Variants in NUP98 observed in about 807,000 individuals in gnomAD.
NUP98 encodes the protein nuclear pore complex protein Nup98-Nup96.
Under a neutral mutation model 191.9 loss-of-function variants are expected in NUP98, and 26 were observed. The observed-to-expected ratio is 0.14, with a 90% CI of 0.10 to 0.19. The LOEUF (loss-of-function observed/expected upper bound fraction) is 0.19, where lower values mean the gene tolerates loss of function less well. NUP98 is among the 10% of genes least tolerant of loss of function. The probability of loss-of-function intolerance (pLI) is 1.00; values close to 1 mark genes in which losing one functional copy is unlikely to be tolerated. For synonymous variants in NUP98, 808 were observed against 778.4 expected (o/e 1.04, Z -0.63); for missense variants, 1,941 against 2,178.8 (o/e 0.89, Z 2.17).
intron 22 of NUP98, among the ~76,000 whole-genome samples, chr11:3,704,807 A>G (rs1466902384): frequency 6.6e-6 from 1 of 152,220 alleles, no homozygotes; most frequent in Admixed American, 6.5e-5. Flanking sequence ...GAAGTTCAAG[A>G]CCAGCCTGGG....
intron 23 of NUP98, among the ~76,000 whole-genome samples, 163 bp downstream of exon 23, chr11:3,702,300 C>CAA (rs2078710539): frequency 1.7e-5 from 1 of 58,404 alleles, no homozygotes; most frequent in African/African-American, 6.5e-5. Context: ...CACACACACA[C>CAA]ACACACACAC....
intron 28 of NUP98, among the ~76,000 whole-genome samples, chr11:3,688,785 A>AGT (rs1554886582): frequency 6.9e-6 from 1 of 145,590 alleles, no homozygotes; most frequent in African/African-American, 2.5e-5. Context: ...ACAGAGAGAG[A>AGT]CTGTCTCGAA....
At chr11:3,757,591 G>C (rs905366439) in intron 10 of NUP98, among the ~76,000 whole-genome samples, 5 of 151,578 alleles carry the variant, frequency 3.3e-5, no homozygotes, top group Non-Finnish European at 5.9e-5. Context: ...CTGAGGTCAG[G>C]AGTTCCAGAC....
At chr11:3,739,971 A>G (rs1476135962) in intron 12 of NUP98, among the ~76,000 whole-genome samples, 3 of 152,210 alleles carry the variant, frequency 2.0e-5, no homozygotes, top group African/African-American at 7.2e-5. Context: ...TAGTAAGAAT[A>G]TAGTACGTAC....
rs995437133 is a variant in NUP98 at position 3,683,425 on chromosome 11, C to T, written c.4693G>A (p.Val1565Ile). The T allele has an allele frequency of 1.2e-6, 2 of 1,614,064 alleles. No individual in the cohort carries two copies. Among genetic ancestry groups the T allele is most frequent in the Admixed American group, 1.7e-5 (1 of 59,994 alleles). Residue 1565 changes from valine (V) to isoleucine (I), a missense_variant, in exon 30 of 33, where the codon GTT (valine) becomes ATT (isoleucine). By Grantham distance (29) the Val-to-Ile change is conservative. Transcript: ENST00000324932. ...IDNSGIREKA[V>I]RELLTRHCQL... Reference sequence around the variant, plus strand: ...CAGTGCCGGGTAAGCAGCTCTCGAACAGCCTTCTCACGTATGCTACAGGGA... The same window carrying T: ...CAGTGCCGGGTAAGCAGCTCTCGAATAGCCTTCTCACGTATGCTACAGGGA...
intron 31 of NUP98, among the ~76,000 whole-genome samples, chr11:3,679,135 A>G (rs530959476): frequency 6.6e-6 from 1 of 151,784 alleles, no homozygotes; most frequent in Non-Finnish European, 1.5e-5. Flanking sequence ...AAAAAAAAAA[A>G]AAAAAAAAAC....
chr11:3,731,302 T>C, intron 14 of NUP98, 89 bp downstream of exon 14: 1 of 887,470 alleles, frequency 1.1e-6, no homozygotes, highest in Non-Finnish European at 1.6e-6. Context: ...GTATCACATC[T>C]ATAATATATT....
intron 25 of NUP98, among the ~76,000 whole-genome samples, chr11:3,698,688 T>C (rs7117935): frequency 0.28 from 40,517 of 144,912 alleles, 6,024 homozygotes; most frequent in South Asian, 0.38. Flanking sequence ...GATCGCACCA[T>C]TGTACTCCAG....
At chr11:3,724,440 A>T (rs1346769153) in intron 15 of NUP98, among the ~76,000 whole-genome samples, 1 of 134,708 alleles carries the variant, frequency 7.4e-6, no homozygotes, top group Non-Finnish European at 1.6e-5. Context: ...CCATCTCAAA[A>T]AAAAAAAATA....
At chr11:3,730,641 G>C (rs1030790644) in intron 14 of NUP98, among the ~76,000 whole-genome samples, 2 of 152,144 alleles carry the variant, frequency 1.3e-5, no homozygotes, top group African/African-American at 2.4e-5. Context: ...TGGGATTACA[G>C]GTGTGAGCCA....
intron 14 of NUP98, among the ~76,000 whole-genome samples, chr11:3,725,946 G>A (rs939856112): frequency 3.9e-5 from 6 of 152,000 alleles, no homozygotes; most frequent in Non-Finnish European, 7.4e-5. Flanking sequence ...TCAGCTTCCC[G>A]AGTAGCTGGG....
Position 3,679,593 on chromosome 11 carries a change from G to A in NUP98, c.5034C>T (p.Asp1678=). The A allele has an allele frequency of 3.1e-6, 5 of 1,614,200 alleles. No homozygotes were observed. Among genetic ancestry groups the A allele is most frequent in the Non-Finnish European group, 4.2e-6 (5 of 1,180,042 alleles). The change falls in exon 31 of 33, where the codon GAC becomes GAT. Residue 1678 remains aspartate (D), a synonymous_variant. Coordinates refer to ENST00000324932, the MANE Select transcript of NUP98 (RefSeq NM_016320.5). ...GGAGCATTTCAATGACTCTAATATA[G>A]TCCAGGTAAACAAGCCCAGATGTTT... ...DWETSGLVYL[D]YIRVIEMLRH... is the part of the protein sequence containing the mutation.
chr11:3,725,243 G>A (rs755270703), intron 14 of NUP98, 24 bp from the exon 15 acceptor site: 6 of 1,178,594 alleles, frequency 5.1e-6, no homozygotes, highest in Admixed American at 3.8e-5. Context: ...ACCAAAAGAA[G>A]AAGAAAAAAA....
chr11:3,713,551 T>C (rs2079083092), intron 19 of NUP98, among the ~76,000 whole-genome samples: 1 of 152,100 alleles, frequency 6.6e-6, no homozygotes, highest in African/African-American at 2.4e-5. Flanking sequence ...AAACTCGATC[T>C]TTACAAACAT....
chr11:3,723,366 ATAGGGT>A lies in NUP98; in HGVS notation c.1931_1936del (p.Asn644_Pro645del), dbSNP rs767029588. 1 of 1,614,070 alleles carries A rather than the reference ATAGGGT, an allele frequency of 6.2e-7. No individual in the cohort carries two copies. Among genetic ancestry groups the A allele is most frequent in the Non-Finnish European group, 8.5e-7 (1 of 1,179,982 alleles). ...TGGGGTTTGAGGAATAGGTTTGGCA[ATAGGGT>A]TAGTATAAAAATGTGAAACAAGGGA... On this transcript the variant is annotated inframe_deletion, in exon 16 of 33. Coordinates refer to ENST00000324932, the MANE Select transcript of NUP98 (RefSeq NM_016320.5).
intron 22 of NUP98, 88 bp downstream of exon 22, chr11:3,705,112 A>C (rs1032245899): frequency 6.2e-5 from 76 of 1,230,006 alleles, no homozygotes; most frequent in Non-Finnish European, 8.2e-5. Context: ...TTGCTAGAGA[A>C]GTCCACTTGG....
chr11:3,723,563 T>C, intron 15 of NUP98, 108 bp from the exon 16 acceptor site: 1 of 832,712 alleles, frequency 1.2e-6, no homozygotes, highest in Non-Finnish European at 1.9e-6. Context: ...TTCTGGATAG[T>C]TCCATGTATT....
At chr11:3,754,655 G>T (rs2080893334) in intron 10 of NUP98, among the ~76,000 whole-genome samples, 1 of 151,324 alleles carries the variant, frequency 6.6e-6, no homozygotes, top group Non-Finnish European at 1.5e-5. Flanking sequence ...AAATCCACAG[G>T]TATCAGCCAG....
chr11:3,778,306 T>A (rs892974842), intron 4 of NUP98, among the ~76,000 whole-genome samples: 2 of 151,944 alleles, frequency 1.3e-5, no homozygotes, highest in African/African-American at 4.8e-5. Flanking sequence ...GCATACCTGA[T>A]GAACTAGCAG....
Sources: allele counts gnomAD v4.1 joint callset (sites outside exome capture counted in the v4.1 genomes callset), GRCh38; gene constraint gnomAD v4.1.1; transcripts MANE v1.5; gene names NCBI Gene and HGNC (gene_info 2026-07-23, HGNC 2026-07-21).